LYPD4: variants seen among roughly 807,000 people sequenced by gnomAD.
LYPD4 encodes the protein ly6/PLAUR domain-containing protein 4.
LYPD4 carries 20 observed loss-of-function variants against 18.2 expected under a neutral mutation model. The observed-to-expected ratio is 1.10, with a 90% CI of 0.77 to 1.59. The LOEUF (loss-of-function observed/expected upper bound fraction) is 1.59. Ranked by LOEUF, LYPD4 falls within the 40% of genes most tolerant of loss-of-function variation. LYPD4 has a pLI of 0.00. For synonymous variants in LYPD4, 111 were observed against 118.3 expected (o/e 0.94, Z 0.40); for missense variants, 278 against 300.3 (o/e 0.93, Z 0.55).
chr19:41,841,348 CA>C (rs146336147), intron 1 of LYPD4, among the ~76,000 whole-genome samples: 631 of 133,606 alleles, frequency 4.7e-3, no homozygotes, highest in Non-Finnish European at 4.4e-3. Flanking sequence ...TTGTCTATAC[CA>C]AAAAAAAAAA....
downstream of LYPD4, among the ~76,000 whole-genome samples, chr19:41,836,604 T>A (rs535103926): frequency 6.6e-6 from 1 of 152,094 alleles, no homozygotes; most frequent in East Asian, 1.9e-4. Flanking sequence ...CAGATAATAA[T>A]CACCCTGGTG....
chr19:41,841,729 T>C (rs1302021442), intron 1 of LYPD4, among the ~76,000 whole-genome samples: 3 of 145,856 alleles, frequency 2.1e-5, no homozygotes, highest in Non-Finnish European at 4.5e-5. Flanking sequence ...GGAAATGCAA[T>C]CTGTCAAATT....
intron 1 of LYPD4, among the ~76,000 whole-genome samples, chr19:41,843,069 AAAAAAAAAC>A (rs2073688948): frequency 4.9e-5 from 2 of 41,152 alleles, no homozygotes; most frequent in Non-Finnish European, 1.0e-4. Flanking sequence ...AAAAAAAAAA[AAAAAAAAAC>A]CCCAACAACA....
At chr19:41,843,134 C>T (rs2073700980) in intron 1 of LYPD4, among the ~76,000 whole-genome samples, 1 of 130,100 alleles carries the variant, frequency 7.7e-6, no homozygotes, top group Non-Finnish European at 1.6e-5. Context: ...CCAAAAGATA[C>T]ATATTAACCA....
intron 3 of LYPD4, 91 bp from the exon 4 acceptor site, chr19:41,838,352 G>C: frequency 8.6e-7 from 1 of 1,165,336 alleles, no homozygotes; most frequent in East Asian, 2.8e-5. Context: ...CACCCACCCT[G>C]CCTGTCACAA....
chr19:41,839,491 C>A, intron 1 of LYPD4, 86 bp from the exon 2 acceptor site: 1 of 599,166 alleles, frequency 1.7e-6, no homozygotes, highest in Non-Finnish European at 3.0e-6. Context: ...TCTCCACTGT[C>A]TGCCCTCCAG....
At position 41,838,935 on chromosome 19, in the gene LYPD4, T is replaced by C. The variant is rs150537336; in HGVS notation, c.157A>G (p.Met53Val). The change falls in exon 3 of 5, where the codon ATG becomes GTG. Residue 53 changes from methionine (M) to valine (V), a missense_variant. Transcript: ENST00000609812. Reference protein sequence around the residue: ...HNWKWLLMRNMVCKLQEGCEE... With the variant: ...HNWKWLLMRNVVCKLQEGCEE... ...CAGCCCTCTTGCAGCTTACACACCA[T>C]GTTCCTCATCAGAAGCCACTTCCAG... 5.1e-4 allele frequency: 822 copies of C among 1,613,942 alleles called. 4 individuals are homozygous for C. In the African/African-American group the frequency reaches 9.4e-3, roughly 18 times the overall value.
chr19:41,841,309 A>G (rs1211941402), intron 1 of LYPD4, among the ~76,000 whole-genome samples: 1 of 151,852 alleles, frequency 6.6e-6, no homozygotes, highest in East Asian at 1.9e-4. Flanking sequence ...GCTCGAGGTC[A>G]GCAATTTGAG....
At chr19:41,842,764 CAAAAAAAAAAAAAAAAAAAAAA>C (rs782233081) in intron 1 of LYPD4, among the ~76,000 whole-genome samples, 1 of 49,766 alleles carries the variant, frequency 2.0e-5, no homozygotes, top group South Asian at 6.5e-4. Flanking sequence ...TCCGTCTAAA[CAAAAAAAAAAAAAAAAAAAAAA>C]AAAAAAAAAA....
At chr19:41,837,049 C>A, downstream of LYPD4, 1 of 1,568,262 alleles carries the variant, frequency 6.4e-7, no homozygotes, top group Non-Finnish European at 8.7e-7. Flanking sequence ...CACCCCTGCT[C>A]TCTCATGGAC....
chr19:41,842,764 C>CAAAAAAAAAAAAAAAAAAAAAA (rs782233081), intron 1 of LYPD4, among the ~76,000 whole-genome samples: 3 of 49,766 alleles, frequency 6.0e-5, no homozygotes, highest in African/African-American at 1.2e-4. Context: ...TCCGTCTAAA[C>CAAAAAAAAAAAAAAAAAAAAAA]AAAAAAAAAA....
At chr19:41,839,046 A>G in intron 2 of LYPD4, 22 bp from the exon 3 acceptor site, 5 of 1,612,770 alleles carry the variant, frequency 3.1e-6, no homozygotes, top group Non-Finnish European at 4.2e-6. Context: ...ATGCTCTCCC[A>G]GTCATTGGCC....
chr19:41,841,072 A>G (rs2073571987), intron 1 of LYPD4, among the ~76,000 whole-genome samples: 1 of 152,232 alleles, frequency 6.6e-6, no homozygotes, highest in South Asian at 2.1e-4. Flanking sequence ...AACAACAACA[A>G]ACATTATTAC....
chr19:41,835,858 C>T (rs1427092444), downstream of LYPD4: 6 of 984,648 alleles, frequency 6.1e-6, no homozygotes, highest in East Asian at 2.3e-4. Flanking sequence ...CCTGTGTCCT[C>T]GCCTGTAAAA....
At position 41,838,027 on chromosome 19, in the gene LYPD4, T is replaced by A. The variant is rs1555831175; in HGVS notation, c.446A>T (p.His149Leu). The A allele has an allele frequency of 6.2e-7, 1 of 1,614,198 alleles. No homozygotes were observed. The highest frequency in any genetic ancestry group is 2.2e-5 in the East Asian group (1 of 44,882). ...SCSCPTCVGE[H>L]MKDCLPNFVT... is the part of the protein sequence containing the mutation. Reference sequence around the variant, plus strand: ...AAAATTTGGGAGGCAATCCTTCATGTGCTCGCCCACACAGGTCGGGCAGCT... The same window carrying A: ...AAAATTTGGGAGGCAATCCTTCATGAGCTCGCCCACACAGGTCGGGCAGCT... The change falls in exon 4 of 5, where the codon CAC becomes CTC. Residue 149 changes from histidine to leucine, a missense_variant. By Grantham distance (99) the His-to-Leu change is moderately conservative. Transcript: ENST00000609812.
chr19:41,841,382 A>G (rs1353694444), intron 1 of LYPD4, among the ~76,000 whole-genome samples: 1 of 151,314 alleles, frequency 6.6e-6, no homozygotes, highest in African/African-American at 2.4e-5. Context: ...TTAGCCAAGC[A>G]TGGGAGTGCC....
At chr19:41,835,927 AAT>A (rs781878499), downstream of LYPD4, 5 of 710,660 alleles carry the variant, frequency 7.0e-6, no homozygotes, top group Non-Finnish European at 6.9e-6. Context: ...TGAACGAGGT[AAT>A]GCACAGAAAA....
chr19:41,835,883 T>A (rs1208695405), downstream of LYPD4: 3 of 941,114 alleles, frequency 3.2e-6, no homozygotes, highest in African/African-American at 5.3e-5. Flanking sequence ...AATACAGAAG[T>A]GATGACATCT....
chr19:41,842,764 C>CAAAAAA lies in LYPD4; in HGVS notation c.-121+808_-121+813dup, dbSNP rs782233081. Among the ~76,000 whole-genome samples, 169 of 49,804 alleles carry CAAAAAA rather than the reference C, an allele frequency of 3.4e-3. 6 individuals carry two copies. The highest frequency in any genetic ancestry group is 0.026 in the Middle Eastern group (1 of 38). The allele number at this position is 49,804 out of a possible 152,430, so 32.7% of individuals were successfully genotyped here. ...CAATAAGAGTGAAACTCCGTCTAAA[C>CAAAAAA]AAAAAAAAAAAAAAAAAAAAAAAAA... On this transcript the variant is annotated intron_variant, in intron 1 of 4. Transcript: ENST00000609812.
Sources: allele counts gnomAD v4.1 joint callset (sites outside exome capture counted in the v4.1 genomes callset), GRCh38; gene constraint gnomAD v4.1.1; transcripts MANE v1.5; gene names NCBI Gene and HGNC (gene_info 2026-07-23, HGNC 2026-07-21).